The following NAA15 variants were observed in gnomAD, a reference collection of about 807,000 sequenced individuals.
The protein encoded by NAA15 is N-alpha-acetyltransferase 15, NatA auxiliary subunit.
In NAA15, 34 loss-of-function variants were observed where a neutral mutation model predicts 114.0. The observed-to-expected ratio is 0.30, with a 90% CI of 0.23 to 0.40. The LOEUF (loss-of-function observed/expected upper bound fraction) is 0.40. NAA15 is among the 10% of genes least tolerant of loss of function. The probability of loss-of-function intolerance (pLI) is 1.00; values close to 1 mark genes in which losing one functional copy is unlikely to be tolerated. For synonymous variants in NAA15, 340 were observed against 338.0 expected, an observed-to-expected ratio of 1.01 and a Z score of -0.06; for missense variants, 658 against 1,004.5, an observed-to-expected ratio of 0.66 and a Z score of 4.66.
chr4:139,373,703 CTT>C (rs397964878), intron 15 of NAA15, among the ~76,000 whole-genome samples: 1 of 143,010 alleles, frequency 7.0e-6, no homozygotes, highest in African/African-American at 2.5e-5. Flanking sequence ...TGTTTGTTTG[CTT>C]TTTTTTTTTT....
At chr4:139,339,144 C>T (rs148520487) in intron 3 of NAA15, among the ~76,000 whole-genome samples, 411 of 152,014 alleles carry the variant, frequency 2.7e-3, no homozygotes, top group Non-Finnish European at 4.7e-3. Context: ...CAGAAAGAAA[C>T]GTTATAAGTT....
chr4:139,341,431 T>TA (rs1195759364), intron 4 of NAA15, among the ~76,000 whole-genome samples: 2 of 150,862 alleles, frequency 1.3e-5, no homozygotes, highest in African/African-American at 4.9e-5. Context: ...CCATCTCTAC[T>TA]AAAAATACAA....
intron 3 of NAA15, among the ~76,000 whole-genome samples, chr4:139,339,865 C>G (rs1395641166): frequency 6.6e-6 from 1 of 152,164 alleles, no homozygotes; most frequent in African/African-American, 2.4e-5. Flanking sequence ...GTACAGTAAT[C>G]AAGATCTAAA....
At chr4:139,358,501 A>G (rs1171016265) in intron 11 of NAA15, among the ~76,000 whole-genome samples, 2 of 151,624 alleles carry the variant, frequency 1.3e-5, no homozygotes, top group Non-Finnish European at 2.9e-5. Flanking sequence ...TGGCTAAAGA[A>G]GCACTTTTGA....
At chr4:139,386,265 C>T in intron 19 of NAA15, 35 bp downstream of exon 19, 1 of 1,182,800 alleles carries the variant, frequency 8.5e-7, no homozygotes, top group Non-Finnish European at 1.2e-6. Context: ...TGTAAGAATA[C>T]TTAACTACTT....
At chr4:139,343,854 A>G (rs1393696245) in intron 5 of NAA15, among the ~76,000 whole-genome samples, 2 of 152,170 alleles carry the variant, frequency 1.3e-5, no homozygotes, top group Non-Finnish European at 2.9e-5. Flanking sequence ...AATCAGTATT[A>G]CTATGATAGT....
intron 4 of NAA15, among the ~76,000 whole-genome samples, chr4:139,342,346 G>T (rs917558846): frequency 7.9e-5 from 12 of 152,168 alleles, no homozygotes; most frequent in African/African-American, 2.6e-4. Context: ...TAGCTTGGAG[G>T]CTTCATTATG....
chr4:139,378,911 A>G (rs150529059), intron 17 of NAA15, 57 bp downstream of exon 17: 7 of 1,064,368 alleles, frequency 6.6e-6, no homozygotes, highest in African/African-American at 5.0e-5. Context: ...TGGTGACGGT[A>G]TAAGTGGTCT....
At chr4:139,367,225 C>T (rs1748308977) in intron 14 of NAA15, among the ~76,000 whole-genome samples, 1 of 152,172 alleles carries the variant, frequency 6.6e-6, no homozygotes, top group Non-Finnish European at 1.5e-5. Flanking sequence ...CCACGTCCAT[C>T]CTCAAGTCCA....
At chr4:139,353,759 C>T (rs368135967) in intron 9 of NAA15, among the ~76,000 whole-genome samples, 11 of 152,202 alleles carry the variant, frequency 7.2e-5, no homozygotes, top group African/African-American at 2.6e-4. Flanking sequence ...CACAATATTG[C>T]CTGTCTTTGT....
At chr4:139,301,935 A>T in intron 1 of NAA15, 104 bp downstream of exon 1, 4 of 1,267,522 alleles carry the variant, frequency 3.2e-6, no homozygotes, top group Non-Finnish European at 4.4e-6. Context: ...CCCGCCCGGG[A>T]CCCCGCCTTC....
intron 1 of NAA15, 49 bp downstream of exon 1, chr4:139,301,880 C>T: frequency 1.9e-6 from 3 of 1,547,788 alleles, no homozygotes; most frequent in Non-Finnish European, 2.6e-6. Flanking sequence ...AGCCGGTAAC[C>T]GGGCCTGTCA....
Position 139,301,759 on chromosome 4 carries a change from A to G in NAA15, c.-19A>G, listed in dbSNP as rs1451158155. 7.0e-6 allele frequency: 11 copies of G among 1,562,208 alleles called. No individual in the cohort carries two copies. The highest frequency in any genetic ancestry group is 9.5e-6 in the Non-Finnish European group (11 of 1,152,856). ...GACCGAGCCGGGTGGTGGCGGGAGCAGCGGGAGCAGCCGGAACGATGCCGG... is the reference window on the plus strand; with the variant it reads ...GACCGAGCCGGGTGGTGGCGGGAGCGGCGGGAGCAGCCGGAACGATGCCGG... On this transcript the variant is annotated 5_prime_UTR_variant, in exon 1 of 20. Coordinates refer to ENST00000296543, the MANE Select transcript of NAA15 (RefSeq NM_057175.5).
At chr4:139,348,459 A>T (rs1488817240) in intron 6 of NAA15, among the ~76,000 whole-genome samples, 1 of 152,084 alleles carries the variant, frequency 6.6e-6, no homozygotes, top group Non-Finnish European at 1.5e-5. Context: ...TCACAAAAAA[A>T]AAAAAAAAAA....
At position 139,301,517 on chromosome 4, in the gene NAA15, C is replaced by A; in HGVS notation, c.-261C>A. 2.1e-6 allele frequency: 1 copy of A among 469,086 alleles called. No individual in the cohort carries two copies. 29.1% of individuals were successfully genotyped at this position (469,086 alleles called of 1,614,324 possible). A position where few individuals can be genotyped will look rare whatever the true frequency, so the allele number is the denominator to read the frequency against. ...CGTCCGCCATTTTGGCTGCCTCTGT[C>A]GGTCTGTTCAGTTACCACGTGAACC... On this transcript the variant is annotated 5_prime_UTR_variant, in exon 1 of 20. Transcript: ENST00000296543.
intron 1 of NAA15, among the ~76,000 whole-genome samples, chr4:139,322,444 A>G (rs12642748): frequency 0.055 from 8,317 of 152,276 alleles, 258 homozygotes; most frequent in East Asian, 0.1. Flanking sequence ...TATCAGCAGC[A>G]TGAAAATGGA....
intron 6 of NAA15, among the ~76,000 whole-genome samples, chr4:139,347,345 G>A (rs939653202): frequency 1.3e-5 from 2 of 152,046 alleles, no homozygotes; most frequent in Non-Finnish European, 2.9e-5. Flanking sequence ...CTAAGAATAT[G>A]GGCTTGTAAG....
chr4:139,339,678 G>T (rs1305591456), intron 3 of NAA15, among the ~76,000 whole-genome samples: 1 of 152,100 alleles, frequency 6.6e-6, no homozygotes, highest in African/African-American at 2.4e-5. Flanking sequence ...TTGAACCTGG[G>T]AGGCAGAGGT....
At chr4:139,349,684 G>T in intron 7 of NAA15, 103 bp downstream of exon 7, 1 of 1,259,054 alleles carries the variant, frequency 7.9e-7, no homozygotes, top group South Asian at 1.5e-5. Context: ...GTTAAGAATT[G>T]GTTCGAAATC....
Sources: allele counts gnomAD v4.1 joint callset (sites outside exome capture counted in the v4.1 genomes callset), GRCh38; gene constraint gnomAD v4.1.1; transcripts MANE v1.5; gene names NCBI Gene and HGNC (gene_info 2026-07-23, HGNC 2026-07-21).